Variants in ROCK1 observed in about 807,000 individuals in gnomAD.
ROCK1 encodes Rho associated coiled-coil containing protein kinase 1, also known as rho-associated protein kinase 1.
In ROCK1, 36 loss-of-function variants were observed where a neutral mutation model predicts 196.8. The ratio of observed to expected loss-of-function variants is 0.18; its 90% CI spans 0.14 to 0.24. ROCK1 has a LOEUF of 0.24. Among genes scored for constraint, ROCK1 ranks in the 10% least tolerant of loss-of-function variants. ROCK1 has a pLI of 1.00. For missense variants in ROCK1, 920 were observed against 1,562.0 expected, an observed-to-expected ratio of 0.59 and a Z score of 6.93; for synonymous variants, 443 against 515.9, an observed-to-expected ratio of 0.86 and a Z score of 1.91.
intron 1 of ROCK1, among the ~76,000 whole-genome samples, chr18:21,105,064 A>G (rs2036692276): frequency 6.6e-6 from 1 of 152,234 alleles, no homozygotes; most frequent in African/African-American, 2.4e-5. Flanking sequence ...TATTATAAAT[A>G]TGACAATATT....
chr18:21,046,422 A>T (rs957123974), intron 4 of ROCK1, among the ~76,000 whole-genome samples: 43 of 152,344 alleles, frequency 2.8e-4, no homozygotes, highest in African/African-American at 1.0e-3. Flanking sequence ...GTAACAGTGC[A>T]CCTAACAGAT....
intron 2 of ROCK1, among the ~76,000 whole-genome samples, chr18:21,067,274 G>A (rs956751753): frequency 2.0e-5 from 3 of 150,644 alleles, no homozygotes; most frequent in African/African-American, 7.3e-5. Context: ...TGAACTATTT[G>A]TCTTATTATT....
chr18:20,970,335 C>T lies in ROCK1; in HGVS notation c.2820+13G>A. 1 of 1,602,742 alleles carries T rather than the reference C, an allele frequency of 6.2e-7. No homozygotes were observed. Among genetic ancestry groups the T allele is most frequent in the African/African-American group, 1.3e-5 (1 of 74,846 alleles). On this transcript the variant is annotated intron_variant, in intron 23 of 32. Coordinates refer to ENST00000399799, the MANE Select transcript of ROCK1 (RefSeq NM_005406.3). ...AATAAATTTTATATAACTTACCTGA[C>T]TATCACACTTACCCGACTAACAGTG... is the stretch of plus-strand genomic sequence containing the variant.
rs2036360955 is a variant in ROCK1 at position 21,069,016 on chromosome 18, G to A, written c.175+1516C>T. Among the ~76,000 whole-genome samples, 3 of 152,106 alleles carry A rather than the reference G, an allele frequency of 2.0e-5. No individual in the cohort carries two copies. In the South Asian group the frequency reaches 6.2e-4, roughly 31 times the overall value. On this transcript the variant is annotated intron_variant, in intron 2 of 32. Coordinates refer to ENST00000399799, the MANE Select transcript of ROCK1 (RefSeq NM_005406.3). The stretch of plus-strand genomic sequence containing the variant: ...ACAATGTTAAATAAAAGTGGTAAGA[G>A]AGGACAGATTTGCCTTTTCCAATCT...
intron 10 of ROCK1, among the ~76,000 whole-genome samples, chr18:21,025,783 C>T (rs576926219): frequency 1.3e-5 from 2 of 152,058 alleles, no homozygotes; most frequent in East Asian, 1.9e-4. Context: ...GAACAGCAAC[C>T]GTACCTTTGC....
chr18:21,000,186 G>T lies in ROCK1; in HGVS notation c.1885+6165C>A, dbSNP rs193268095. ...AACAGTGTGGTACATGCTGGCATAA[G>T]GACAAACACACAGACCAATGGAATA... On this transcript the variant is annotated intron_variant, in intron 16 of 32. Coordinates refer to ENST00000399799, the MANE Select transcript of ROCK1 (RefSeq NM_005406.3). 2.1e-3 allele frequency among the ~76,000 whole-genome samples: 318 copies of T among 151,842 alleles called. 1 individual carries two copies. The highest frequency in any genetic ancestry group is 6.3e-3 in the South Asian group (30 of 4,800).
intron 1 of ROCK1, among the ~76,000 whole-genome samples, chr18:21,087,151 C>G (rs923750390): frequency 2.6e-5 from 4 of 151,898 alleles, no homozygotes; most frequent in Non-Finnish European, 5.9e-5. Context: ...CCTAGAGTAA[C>G]CAATTTAAAA....
chr18:21,047,263 G>A (rs1439340571), intron 4 of ROCK1, among the ~76,000 whole-genome samples: 1 of 152,148 alleles, frequency 6.6e-6, no homozygotes, highest in Non-Finnish European at 1.5e-5. Flanking sequence ...TTAACTAGTG[G>A]TGAAAACATT....
rs1326606524 is a variant in ROCK1 at position 20,958,891 on chromosome 18, ATT to A, written c.3512+947_3512+948del. 8.8e-5 allele frequency among the ~76,000 whole-genome samples: 9 copies of A among 101,770 alleles called. No homozygotes were observed. In the South Asian group the frequency reaches 1.7e-3, roughly 19 times the overall value. The allele number at this position is 101,770 out of a possible 152,430, so 66.8% of individuals were successfully genotyped here. On this transcript the variant is annotated intron_variant, in intron 29 of 32. Transcript: ENST00000399799. The stretch of plus-strand genomic sequence containing the variant: ...ATATATTATATATATAAATATATAT[ATT>A]TATTTATATATATATATTTTATATA...
Position 21,063,249 on chromosome 18 carries a change from TG to T in ROCK1, c.175+7282del, listed in dbSNP as rs202215007. ...GCAATTAAACTTTAATGAGTTTTGG[TG>T]GGGGCATTCAAACCACAGCAGGTAC... On this transcript the variant is annotated intron_variant, in intron 2 of 32. Coordinates refer to ENST00000399799, the MANE Select transcript of ROCK1 (RefSeq NM_005406.3). Among the ~76,000 whole-genome samples, 878 of 152,158 alleles carry T rather than the reference TG, an allele frequency of 5.8e-3. 11 individuals carry two copies. The highest frequency in any genetic ancestry group is 0.02 in the African/African-American group (840 of 41,516).
intron 22 of ROCK1, among the ~76,000 whole-genome samples, chr18:20,978,264 G>A (rs113663263): frequency 0.029 from 4,332 of 151,106 alleles, 187 homozygotes; most frequent in Admixed American, 0.12. Flanking sequence ...AACACCTAAT[G>A]TATTAAGGAT....
intron 1 of ROCK1, among the ~76,000 whole-genome samples, chr18:21,079,094 T>C (rs1034036038): frequency 3.3e-5 from 5 of 152,138 alleles, no homozygotes; most frequent in East Asian, 1.9e-4. Flanking sequence ...TTTGGAGTAA[T>C]TGAGAGGTTT....
At chr18:21,017,257 T>C (rs1006667940) in intron 12 of ROCK1, among the ~76,000 whole-genome samples, 3 of 137,674 alleles carry the variant, frequency 2.2e-5, no homozygotes, top group Non-Finnish European at 4.6e-5. Context: ...AGCAGCGCAA[T>C]CTCAGCTCAC....
intron 9 of ROCK1, among the ~76,000 whole-genome samples, chr18:21,038,916 A>G (rs1262476112): frequency 6.6e-6 from 1 of 152,220 alleles, no homozygotes; most frequent in Non-Finnish European, 1.5e-5. Context: ...AAAAAGTAAG[A>G]AAGTGTTCTA....
chr18:21,023,507 T>A, intron 11 of ROCK1, 113 bp downstream of exon 11: 1 of 499,778 alleles, frequency 2.0e-6, no homozygotes, highest in South Asian at 4.9e-5. Context: ...AAAATCTAAG[T>A]TCAGCTAACC....
At position 20,980,141 on chromosome 18, in the gene ROCK1, A is replaced by G. The variant is rs551481889; in HGVS notation, c.2560-137T>C. On this transcript the variant is annotated intron_variant, in intron 21 of 32. Coordinates refer to ENST00000399799, the MANE Select transcript of ROCK1 (RefSeq NM_005406.3). ...GTATTTACCCATGACAAATGCAAAT[A>G]TATGTCAACACCTAGTCTTACACAT... The G allele has an allele frequency of 8.8e-5, 94 of 1,065,836 alleles. No individual in the cohort carries two copies. The African/African-American group carries it at 9.8e-4, about 11-fold the overall frequency. The allele number at this position is 1,065,836 out of a possible 1,614,324, so 66.0% of individuals were successfully genotyped here. A position where few individuals can be genotyped will look rare whatever the true frequency, so the allele number is the denominator to read the frequency against.
At chr18:21,093,038 C>A (rs986479630) in intron 1 of ROCK1, among the ~76,000 whole-genome samples, 1 of 152,174 alleles carries the variant, frequency 6.6e-6, no homozygotes, top group Non-Finnish European at 1.5e-5. Flanking sequence ...TTCCCCAGTT[C>A]CAAGACTGGA....
chr18:21,001,030 A>G (rs1334608622), intron 16 of ROCK1, among the ~76,000 whole-genome samples: 1 of 152,240 alleles, frequency 6.6e-6, no homozygotes, highest in Non-Finnish European at 1.5e-5. Context: ...TGTTATATGT[A>G]TATCATCAAC....
At chr18:21,023,044 T>C (rs1419538600) in intron 11 of ROCK1, among the ~76,000 whole-genome samples, 3 of 152,050 alleles carry the variant, frequency 2.0e-5, no homozygotes, top group Non-Finnish European at 4.4e-5. Context: ...AATAGGCAAA[T>C]TCATTGAGAC....
Sources: gnomAD v4.1 joint callset for allele counts (sites outside exome capture counted in the v4.1 genomes callset) on GRCh38, gnomAD v4.1.1 for gene constraint, MANE v1.5 for transcripts, NCBI Gene and HGNC (gene_info 2026-07-23, HGNC 2026-07-21) for gene names.